Variants in GRID2 observed in about 807,000 individuals in gnomAD.
The protein encoded by GRID2 is glutamate ionotropic receptor delta type subunit 2, also known as glutamate receptor ionotropic, delta-2.
A neutral mutation model predicts 114.8 loss-of-function variants in GRID2; 33 were observed. That is an observed-to-expected ratio of 0.29 (90% CI 0.22 to 0.38). The LOEUF (loss-of-function observed/expected upper bound fraction) is 0.38. Among genes scored for constraint, GRID2 ranks in the 10% least tolerant of loss-of-function variants. The pLI is 1.00. For synonymous variants in GRID2, 505 were observed against 449.9 expected (o/e 1.12, Z -1.55); for missense variants, 1,184 against 1,257.7 (o/e 0.94, Z 0.89).
intron 1 of GRID2, among the ~76,000 whole-genome samples, chr4:92,453,884 A>T (rs1356895569): frequency 6.6e-6 from 1 of 152,178 alleles, no homozygotes; most frequent in Non-Finnish European, 1.5e-5. Flanking sequence ...AAGACCACTG[A>T]CTGTTTCTTT....
At chr4:93,726,593 G>C (rs1464863168) in intron 14 of GRID2, among the ~76,000 whole-genome samples, 1 of 152,074 alleles carries the variant, frequency 6.6e-6, no homozygotes, top group South Asian at 2.1e-4. Context: ...CCATTTTCAC[G>C]ATATTGATTC....
intron 11 of GRID2, among the ~76,000 whole-genome samples, chr4:93,474,408 T>C (rs935878692): frequency 6.6e-6 from 1 of 152,156 alleles, no homozygotes; most frequent in Non-Finnish European, 1.5e-5. Context: ...TTGACTGCTT[T>C]TTAGAATCAT....
chr4:93,723,366 G>T (rs1729560048), intron 14 of GRID2, among the ~76,000 whole-genome samples: 1 of 152,138 alleles, frequency 6.6e-6, no homozygotes, highest in Non-Finnish European at 1.5e-5. Context: ...GAATTATATT[G>T]CAAATATTAA....
chr4:92,753,321 A>G (rs190762865), intron 2 of GRID2, among the ~76,000 whole-genome samples: 2 of 152,272 alleles, frequency 1.3e-5, no homozygotes, highest in Admixed American at 1.3e-4. Context: ...AGAGAGAGGT[A>G]GGATTTCTTG....
chr4:92,475,140 A>G (rs1034440089), intron 1 of GRID2, among the ~76,000 whole-genome samples: 5 of 148,316 alleles, frequency 3.4e-5, no homozygotes, highest in Non-Finnish European at 7.4e-5. Context: ...AATAATAATA[A>G]TAATAATAAT....
chr4:93,522,349 T>C (rs988162751), intron 13 of GRID2, among the ~76,000 whole-genome samples: 1 of 152,136 alleles, frequency 6.6e-6, no homozygotes, highest in Admixed American at 6.6e-5. Flanking sequence ...TACTAAAATA[T>C]AATAAACTTT....
intron 1 of GRID2, among the ~76,000 whole-genome samples, chr4:92,358,300 C>T (rs761016523): frequency 6.6e-6 from 1 of 151,792 alleles, no homozygotes; most frequent in Non-Finnish European, 1.5e-5. Context: ...CATATCTGAT[C>T]GGACATACTA....
At chr4:92,336,093 A>G (rs914174728) in intron 1 of GRID2, among the ~76,000 whole-genome samples, 2 of 152,186 alleles carry the variant, frequency 1.3e-5, no homozygotes, top group African/African-American at 4.8e-5. Context: ...GGTAATGTCT[A>G]TGTTATACAA....
At chr4:92,923,246 T>C (rs924829581) in intron 2 of GRID2, among the ~76,000 whole-genome samples, 1 of 152,202 alleles carries the variant, frequency 6.6e-6, no homozygotes, top group African/African-American at 2.4e-5. Flanking sequence ...CAGTGATGTT[T>C]GTAAGTTTTT....
chr4:93,472,052 C>T (rs1402102286), intron 11 of GRID2, among the ~76,000 whole-genome samples: 2 of 151,026 alleles, frequency 1.3e-5, no homozygotes, highest in Non-Finnish European at 2.9e-5. Flanking sequence ...TGGCCAGGCG[C>T]GGTGGCTCAC....
chr4:92,563,149 T>C (rs1173492345), intron 1 of GRID2, among the ~76,000 whole-genome samples: 1 of 152,120 alleles, frequency 6.6e-6, no homozygotes, highest in Non-Finnish European at 1.5e-5. Context: ...CCCTCCACCA[T>C]GCTCCCCGTT....
intron 2 of GRID2, among the ~76,000 whole-genome samples, chr4:92,957,026 C>A (rs563800791): frequency 1.2e-4 from 19 of 152,148 alleles, no homozygotes; most frequent in African/African-American, 4.1e-4. Flanking sequence ...GAATTTTAAG[C>A]ATTCCTTGTA....
intron 10 of GRID2, among the ~76,000 whole-genome samples, chr4:93,448,038 G>A (rs910384457): frequency 6.6e-6 from 1 of 151,774 alleles, no homozygotes. Flanking sequence ...GATAACAGGA[G>A]AATCTTTGGC....
intron 2 of GRID2, among the ~76,000 whole-genome samples, chr4:92,706,209 C>T (rs1329541058): frequency 6.6e-6 from 1 of 152,074 alleles, no homozygotes; most frequent in South Asian, 2.1e-4. Context: ...TACGTATGCA[C>T]TTGAAGATGT....
chr4:93,700,365 C>T (rs1024305305), intron 14 of GRID2, among the ~76,000 whole-genome samples: 8 of 152,136 alleles, frequency 5.3e-5, no homozygotes, highest in Non-Finnish European at 1.0e-4. Context: ...TGGGCAGCTT[C>T]AGTCTCACTG....
chr4:92,326,127 G>A (rs549676877), intron 1 of GRID2, among the ~76,000 whole-genome samples: 1 of 151,914 alleles, frequency 6.6e-6, no homozygotes, highest in Admixed American at 6.6e-5. Context: ...TTTACCAACT[G>A]TTCTTTTATA....
chr4:93,486,614 T>C (rs1726431705), intron 11 of GRID2, among the ~76,000 whole-genome samples: 2 of 151,736 alleles, frequency 1.3e-5, no homozygotes, highest in South Asian at 2.1e-4. Context: ...TCTGCCAAGA[T>C]CATATAATTT....
chr4:92,374,840 G>C (rs1223001120), intron 1 of GRID2, among the ~76,000 whole-genome samples: 1 of 152,026 alleles, frequency 6.6e-6, no homozygotes, highest in African/African-American at 2.4e-5. Context: ...TAAATAAAAG[G>C]TTAAATATAA....
intron 13 of GRID2, among the ~76,000 whole-genome samples, chr4:93,574,288 GAA>G (rs1736209353): frequency 6.6e-6 from 1 of 152,072 alleles, no homozygotes; most frequent in African/African-American, 2.4e-5. Flanking sequence ...TGTTAAATAT[GAA>G]ATTTTTGCTT....
Sources: gnomAD v4.1 joint callset for allele counts (sites outside exome capture counted in the v4.1 genomes callset) on GRCh38, gnomAD v4.1.1 for gene constraint, MANE v1.5 for transcripts, NCBI Gene and HGNC (gene_info 2026-07-23, HGNC 2026-07-21) for gene names.